DST: variants seen among roughly 807,000 people sequenced by gnomAD.
DST encodes the protein dystonin.
DST carries 253 observed loss-of-function variants against 875.2 expected under a neutral mutation model. The observed-to-expected ratio is 0.29, with a 90% confidence interval of 0.26 to 0.32. The LOEUF (loss-of-function observed/expected upper bound fraction) is 0.32, where lower values mean the gene tolerates loss of function less well. Among genes scored for constraint, DST ranks in the 10% least tolerant of loss-of-function variants. The pLI is 1.00. For synonymous variants in DST, 3,124 were observed against 3,197.1 expected, an observed-to-expected ratio of 0.98 and a Z score of 0.77; for missense variants, 8,287 against 9,111.6, an observed-to-expected ratio of 0.91 and a Z score of 3.68.
intron 72 of DST, among the ~76,000 whole-genome samples, chr6:56,512,927 A>C: frequency 6.6e-6 from 1 of 152,326 alleles, no homozygotes; most frequent in Non-Finnish European, 1.5e-5. Context: ...TCCCAGGCCA[A>C]GTTTTTATTT....
intron 10 of DST, among the ~76,000 whole-genome samples, chr6:56,660,254 T>A (rs1277183143): frequency 6.6e-6 from 1 of 152,216 alleles, no homozygotes; most frequent in Non-Finnish European, 1.5e-5. Context: ...ATGGCTGGGT[T>A]CATACAGGCT....
intron 2 of DST, among the ~76,000 whole-genome samples, chr6:56,936,032 T>C (rs1051511342): frequency 3.3e-5 from 5 of 152,170 alleles, no homozygotes; most frequent in Admixed American, 2.6e-4. Context: ...CCTAAAAAAT[T>C]TGTATAATGG....
intron 2 of DST, among the ~76,000 whole-genome samples, chr6:56,904,339 T>C (rs1358550285): frequency 6.6e-6 from 1 of 152,166 alleles, no homozygotes; most frequent in Non-Finnish European, 1.5e-5. Flanking sequence ...TCAAATATAA[T>C]ACCAGCTCTA....
intron 22 of DST, among the ~76,000 whole-genome samples, chr6:56,638,548 G>A (rs1004371349): frequency 6.6e-6 from 1 of 151,954 alleles, no homozygotes; most frequent in Non-Finnish European, 1.5e-5. Context: ...ACATCTGACT[G>A]CCCATGTGTG....
intron 32 of DST, among the ~76,000 whole-genome samples, 157 bp from the exon 33 acceptor site, chr6:56,628,318 A>AC (rs1180035249): frequency 6.6e-6 from 1 of 152,132 alleles, no homozygotes; most frequent in Admixed American, 6.6e-5. Context: ...CCTGAGGCAC[A>AC]CCCCCAAGGG....
At chr6:56,708,445 A>G (rs1014320188) in intron 5 of DST, among the ~76,000 whole-genome samples, 2 of 152,182 alleles carry the variant, frequency 1.3e-5, no homozygotes, top group African/African-American at 4.8e-5. Flanking sequence ...AAAAAATCCA[A>G]AGACACTGGC....
Position 56,529,764 on chromosome 6 carries a change from T to A in DST, c.17279A>T (p.Asp5760Val). Residue 5760 changes from aspartate to valine, a missense_variant, in exon 66 of 104, where the codon GAT (aspartate) becomes GTT (valine). This residue lies in a region of DST where 777 missense variants were observed against 764.8 expected (regional missense o/e 1.02). Coordinates refer to ENST00000680361, the MANE Select transcript of DST (RefSeq NM_001374736.1). Reference protein sequence around the residue: ...EQIAQHKALEDDIINHNKHLH... With the variant: ...EQIAQHKALEVDIINHNKHLH... ...ATGTTTATTGTGATTGATGATGTCA[T>A]CTTCTAAGGCCTAAGCAAAGTTTAA... is the stretch of plus-strand genomic sequence containing the variant. 6.3e-7 allele frequency: 1 copy of A among 1,577,438 alleles called. No homozygotes were observed. Among genetic ancestry groups the A allele is most frequent in the Non-Finnish European group, 8.6e-7 (1 of 1,163,220 alleles).
intron 47 of DST, among the ~76,000 whole-genome samples, chr6:56,597,104 G>A (rs1222858944): frequency 6.6e-6 from 1 of 152,126 alleles, no homozygotes; most frequent in African/African-American, 2.4e-5. Flanking sequence ...GCCAGGCATG[G>A]CAGCACAGAC....
At chr6:56,933,471 T>C (rs1437075627) in intron 2 of DST, among the ~76,000 whole-genome samples, 1 of 152,208 alleles carries the variant, frequency 6.6e-6, no homozygotes, top group African/African-American at 2.4e-5. Context: ...TTTCTTCCAC[T>C]GCAAACCTCA....
chr6:56,616,169 G>T (rs867891252), intron 36 of DST: 1 of 1,614,212 alleles, frequency 6.2e-7, no homozygotes, highest in Non-Finnish European at 8.5e-7. Context: ...GCTCAGCAAA[G>T]AATCAGCAAG....
intron 9 of DST, among the ~76,000 whole-genome samples, chr6:56,697,107 G>A (rs1192546669): frequency 6.6e-6 from 1 of 152,090 alleles, no homozygotes; most frequent in Non-Finnish European, 1.5e-5. Flanking sequence ...GAAAGTAAGT[G>A]CTTTTCCCCC....
At chr6:56,642,131 C>A in intron 16 of DST, 30 bp from the exon 17 acceptor site, 1 of 1,564,578 alleles carries the variant, frequency 6.4e-7, no homozygotes, top group Non-Finnish European at 8.8e-7. Flanking sequence ...AGTATTAATT[C>A]TGTGAAACAA....
chr6:56,841,936 T>C (rs1398106189), intron 4 of DST, among the ~76,000 whole-genome samples: 1 of 152,156 alleles, frequency 6.6e-6, no homozygotes, highest in African/African-American at 2.4e-5. Flanking sequence ...ATAAGAGTCT[T>C]GGCACAAAGG....
rs541331428 is a variant in DST, at chr6:56,527,301, ACATACTGTTTT to A, written c.17922+181_17922+191del. 2.4e-4 allele frequency among the ~76,000 whole-genome samples: 36 copies of A among 152,250 alleles called. No individual in the cohort carries two copies. In the South Asian group the frequency reaches 7.3e-3, roughly 31 times the overall value. ...ATATAAGACTCTTGCAACAATTATA[ACATACTGTTTT>A]CATCTCTGGGCTCCTAAAACTTTAA... is the stretch of plus-strand genomic sequence containing the variant. On this transcript the variant is annotated intron_variant, in intron 68 of 103. Transcript: ENST00000680361.
rs754459277 is a variant in DST, at chr6:56,617,392, C to T, written c.4930-2908G>A. The T allele has an allele frequency of 9.9e-6, 16 of 1,613,450 alleles. No homozygotes were observed. In the South Asian group the frequency reaches 1.4e-4, roughly 14 times the overall value. On this transcript the variant is annotated intron_variant, in intron 36 of 103. Coordinates refer to ENST00000680361, the MANE Select transcript of DST (RefSeq NM_001374736.1). ...GTTTTAATGTTGTGACTTCTGTATG[C>T]ATATCATACTGCTTGTTCTTAGCTA...
intron 9 of DST, among the ~76,000 whole-genome samples, chr6:56,674,851 G>T (rs994403120): frequency 6.6e-6 from 1 of 152,158 alleles, no homozygotes; most frequent in Non-Finnish European, 1.5e-5. Flanking sequence ...GCAATCTACA[G>T]ATTCAATGCA....
intron 4 of DST, among the ~76,000 whole-genome samples, chr6:56,821,711 A>C (rs896348546): frequency 4.6e-5 from 7 of 151,240 alleles, no homozygotes; most frequent in African/African-American, 7.4e-5. Context: ...CTATGAAAAC[A>C]GTTTTACTAA....
intron 102 of DST, chr6:56,462,198 T>C (rs1423122695): frequency 1.3e-5 from 2 of 152,184 alleles, no homozygotes; most frequent in East Asian, 1.9e-4. Context: ...CCACTAATTA[T>C]TGGGATTCTA....
chr6:56,803,447 A>G (rs71564856), intron 4 of DST, among the ~76,000 whole-genome samples: 25,307 of 152,184 alleles, frequency 0.17, 2,348 homozygotes, highest in Non-Finnish European at 0.19. Context: ...ATATGAAAAA[A>G]AACAATAGAA....
Sources: gnomAD v4.1 joint callset for allele counts (sites outside exome capture counted in the v4.1 genomes callset) on GRCh38, gnomAD v4.1.1 for gene constraint, gnomAD v4.1.1 regional missense constraint, MANE v1.5 for transcripts, NCBI Gene and HGNC (gene_info 2026-07-23, HGNC 2026-07-21) for gene names.